The following HERC3 variants were observed in gnomAD, a reference collection of about 807,000 sequenced individuals.
The protein encoded by HERC3 is HECT and RLD domain containing E3 ubiquitin protein ligase 3, also known as probable E3 ubiquitin-protein ligase HERC3.
HERC3 carries 58 observed loss-of-function variants against 129.9 expected under a neutral mutation model. The ratio of observed to expected loss-of-function variants is 0.45; its 90% CI spans 0.36 to 0.56. HERC3 has a LOEUF of 0.56. HERC3 is among the 20% of genes least tolerant of loss of function. The probability of loss-of-function intolerance (pLI) is 0.00; values close to 1 mark genes in which losing one functional copy is unlikely to be tolerated. For missense variants in HERC3, 835 were observed against 1,244.2 expected (o/e 0.67, Z 4.95); for synonymous variants, 430 against 451.0 (o/e 0.95, Z 0.59).
At chr4:88,682,653 C>T (rs1732927720) in intron 21 of HERC3, among the ~76,000 whole-genome samples, 1 of 152,110 alleles carries the variant, frequency 6.6e-6, no homozygotes, top group South Asian at 2.1e-4. Context: ...GACATGAACT[C>T]ATCATTTTTT....
In HERC3 at chr4:88,697,670, C is replaced by G. The variant is rs770007885; in HGVS notation, c.2658-6428C>G. The G allele has an allele frequency of 1.2e-6, 2 of 1,613,234 alleles. No homozygotes were observed. The highest frequency in any genetic ancestry group is 1.1e-5 in the South Asian group (1 of 91,074). ...CAGTCTCCACCCTGCGCACCGCCTT[C>G]CGCCATTACCTCCTCTGCCGCTGCC... On this transcript the variant is annotated intron_variant, in intron 23 of 25. Transcript: ENST00000402738.
At chr4:88,568,437 T>C in the HERC3 span, among the ~76,000 whole-genome samples, 1 of 152,132 alleles carries the variant, frequency 6.6e-6, no homozygotes, top group Non-Finnish European at 1.5e-5. Flanking sequence ...GTTGGGAACT[T>C]TAGGAATCTA....
the HERC3 span, among the ~76,000 whole-genome samples, chr4:88,558,967 C>CAAA: frequency 0.051 from 5,705 of 111,722 alleles, 270 homozygotes; most frequent in East Asian, 0.28. Flanking sequence ...GACTCTGTCT[C>CAAA]AAAAAAAAAA....
chr4:88,604,258 G>A (rs1578148328), intron 2 of HERC3, among the ~76,000 whole-genome samples: 1 of 152,076 alleles, frequency 6.6e-6, no homozygotes, highest in Admixed American at 6.5e-5. Flanking sequence ...ACCTCAGGTG[G>A]TCCGCCCGCC....
the HERC3 span, among the ~76,000 whole-genome samples, chr4:88,555,003 C>T: frequency 2.7e-5 from 4 of 150,312 alleles, no homozygotes; most frequent in South Asian, 6.3e-4. Context: ...GAAATTATAT[C>T]GTGGCCGTGC....
chr4:88,572,581 T>C, the HERC3 span, among the ~76,000 whole-genome samples: 1 of 151,994 alleles, frequency 6.6e-6, no homozygotes, highest in East Asian at 1.9e-4. Flanking sequence ...GAGGCCAAGG[T>C]GGGTGTATCA....
intron 10 of HERC3, among the ~76,000 whole-genome samples, chr4:88,658,799 A>T (rs980334959): frequency 6.6e-6 from 1 of 152,076 alleles, no homozygotes; most frequent in Non-Finnish European, 1.5e-5. Context: ...GCATTATTTG[A>T]TTTTCCATTT....
chr4:88,653,106 A>T lies in HERC3; in HGVS notation c.685+16A>T. ...GATGAAAAAGGTAGGTAAACCCTTC[A>T]TATGTATGTATTTAGTTTAAAAGCA... is the stretch of plus-strand genomic sequence containing the variant. On this transcript the variant is annotated intron_variant, in intron 6 of 25. Transcript: ENST00000402738. 6.2e-7 allele frequency: 1 copy of T among 1,610,524 alleles called. No homozygotes were observed. Among genetic ancestry groups the T allele is most frequent in the Non-Finnish European group, 8.5e-7 (1 of 1,177,030 alleles).
At chr4:88,690,514 G>A (rs996200120) in intron 23 of HERC3, 1 of 985,384 alleles carries the variant, frequency 1.0e-6, no homozygotes, top group Non-Finnish European at 1.2e-6. Context: ...AATGGGATAG[G>A]CAAGCATCCT....
chr4:88,666,209 C>G (rs1255892518), intron 12 of HERC3, among the ~76,000 whole-genome samples: 1 of 152,040 alleles, frequency 6.6e-6, no homozygotes, highest in African/African-American at 2.4e-5. Context: ...TGGGGAAAGC[C>G]TTTTATTTTT....
the HERC3 span, among the ~76,000 whole-genome samples, chr4:88,540,589 C>T: frequency 2.6e-5 from 4 of 152,258 alleles, no homozygotes; most frequent in African/African-American, 9.6e-5. Context: ...TCAGAAAATA[C>T]AGAGAACACC....
rs151028095 is a variant in HERC3 at position 88,658,088 on chromosome 4, T to C, written c.1070-327T>C. On this transcript the variant is annotated intron_variant, in intron 9 of 25. Transcript: ENST00000402738. ...CCACCACACTCACATGCTGAATTGT[T>C]ACCATAAAGAATAGTGCCCATTTCA... is the stretch of plus-strand genomic sequence containing the variant. Among the ~76,000 whole-genome samples the C allele has an allele frequency of 7.5e-3, 1,150 of 152,320 alleles. 8 individuals carry two copies. The highest frequency in any genetic ancestry group is 0.011 in the Non-Finnish European group (761 of 68,030).
At chr4:88,531,562 C>T in the HERC3 span, among the ~76,000 whole-genome samples, 1 of 152,176 alleles carries the variant, frequency 6.6e-6, no homozygotes, top group Non-Finnish European at 1.5e-5. Context: ...TGCTTGAAAT[C>T]TGTGGCAGCT....
intron 3 of HERC3, among the ~76,000 whole-genome samples, chr4:88,629,466 G>T (rs1487621724): frequency 6.6e-6 from 1 of 152,088 alleles, no homozygotes; most frequent in African/African-American, 2.4e-5. Context: ...CCTTTTTAAT[G>T]ACTACATATT....
intron 3 of HERC3, among the ~76,000 whole-genome samples, chr4:88,606,441 A>G (rs1004928651): frequency 6.6e-6 from 1 of 152,016 alleles, no homozygotes; most frequent in African/African-American, 2.4e-5. Flanking sequence ...CTTAGAGAAC[A>G]TATGTAATAT....
At chr4:88,604,156 A>G (rs1258812073) in intron 2 of HERC3, among the ~76,000 whole-genome samples, 1 of 152,030 alleles carries the variant, frequency 6.6e-6, no homozygotes, top group African/African-American at 2.4e-5. Context: ...GAGTAGCTGG[A>G]TTACAGGCAT....
chr4:88,656,180 C>T (rs1222546029), intron 9 of HERC3, 145 bp downstream of exon 9: 2 of 727,818 alleles, frequency 2.7e-6, no homozygotes, highest in East Asian at 2.7e-5. Flanking sequence ...AATTTCTGTA[C>T]TTACTATGCA....
chr4:88,664,001 C>A, intron 11 of HERC3, 152 bp from the exon 12 acceptor site: 1 of 527,888 alleles, frequency 1.9e-6, no homozygotes, highest in East Asian at 3.3e-5. Context: ...TCCTGTTTTT[C>A]TAAAGCAAAT....
chr4:88,540,764 A>C, the HERC3 span, among the ~76,000 whole-genome samples: 1 of 152,224 alleles, frequency 6.6e-6, no homozygotes, highest in Non-Finnish European at 1.5e-5. Context: ...AAACTCTATA[A>C]GCCAGAAGAG....
Sources: allele counts gnomAD v4.1 joint callset (sites outside exome capture counted in the v4.1 genomes callset), GRCh38; gene constraint gnomAD v4.1.1; transcripts MANE v1.5; gene names NCBI Gene and HGNC (gene_info 2026-07-23, HGNC 2026-07-21).